The following RUNX1T1 variants were observed in gnomAD, a reference collection of about 807,000 sequenced individuals.
RUNX1T1 encodes protein CBFA2T1.
Under a neutral mutation model 62.8 loss-of-function variants are expected in RUNX1T1, and 4 were observed. The ratio of observed to expected loss-of-function variants is 0.06; its 90% CI spans 0.03 to 0.15. The LOEUF is 0.15. Ranked by LOEUF, RUNX1T1 falls within the 10% of genes least tolerant of loss-of-function variation. The pLI is 1.00. For missense variants in RUNX1T1, 508 were observed against 754.3 expected, an observed-to-expected ratio of 0.67 and a Z score of 3.82; for synonymous variants, 291 against 286.0, an observed-to-expected ratio of 1.02 and a Z score of -0.18.
At chr8:91,961,404 A>G (rs1226372709) in intron 10 of RUNX1T1, among the ~76,000 whole-genome samples, 1 of 152,236 alleles carries the variant, frequency 6.6e-6, no homozygotes, top group Non-Finnish European at 1.5e-5. Flanking sequence ...GGAAGTCAGA[A>G]AAGCAGAGGG....
rs11995611 is a variant in RUNX1T1, at chr8:91,980,392, T to C, written c.1199-4419A>G. Among the ~76,000 whole-genome samples, 609 of 152,278 alleles carry C rather than the reference T, an allele frequency of 4.0e-3. 4 individuals carry two copies. The highest frequency in any genetic ancestry group is 0.014 in the African/African-American group (574 of 41,564). ...TTGTGGTTTTCATATTTTGAGAGTA[T>C]AGAAGTTGAAATATTTCATTGGCTG... On this transcript the variant is annotated intron_variant, in intron 8 of 10. Transcript: ENST00000396218.
intron 1 of RUNX1T1, among the ~76,000 whole-genome samples, chr8:92,020,310 C>A (rs1823835892): frequency 6.6e-6 from 1 of 152,156 alleles, no homozygotes; most frequent in Non-Finnish European, 1.5e-5. Context: ...AATATATATT[C>A]TTGAAACTTT....
intron 1 of RUNX1T1, among the ~76,000 whole-genome samples, chr8:92,053,686 C>T (rs1338893030): frequency 6.6e-6 from 1 of 152,120 alleles, no homozygotes; most frequent in Non-Finnish European, 1.5e-5. Context: ...AGATTCATTT[C>T]TTAATTTTTC....
chr8:91,969,903 A>G (rs1257343011), intron 10 of RUNX1T1, among the ~76,000 whole-genome samples: 1 of 152,084 alleles, frequency 6.6e-6, no homozygotes, highest in African/African-American at 2.4e-5. Flanking sequence ...GTGATGCTAT[A>G]TTAATTAACG....
chr8:92,014,040 TACC>T (rs1394156141), intron 3 of RUNX1T1, among the ~76,000 whole-genome samples: 1 of 152,146 alleles, frequency 6.6e-6, no homozygotes, highest in Non-Finnish European at 1.5e-5. Flanking sequence ...ATGTATATTT[TACC>T]ACAATAAAAA....
At chr8:92,057,089 A>AAT in intron 1 of RUNX1T1, among the ~76,000 whole-genome samples, 1 of 152,294 alleles carries the variant, frequency 6.6e-6, no homozygotes. Context: ...TTTCAAGAGG[A>AAT]ATAGTAATAC....
Position 92,014,888 on chromosome 8 carries a change from C to T in RUNX1T1, c.146-68G>A, listed in dbSNP as rs527974010. ...AGAACATGCATGAGGAAATTGCCAC[C>T]AAGTTTCCTACCTTTTACATCTACT... is the stretch of plus-strand genomic sequence containing the variant. On this transcript the variant is annotated intron_variant, in intron 2 of 10. Transcript: ENST00000396218. 12 of 1,455,452 alleles carry T rather than the reference C, an allele frequency of 8.2e-6. No homozygotes were observed. The East Asian group carries it at 1.9e-4, about 23-fold the overall frequency. 90.2% of individuals were successfully genotyped at this position (1,455,452 alleles called of 1,614,324 possible).
intron 1 of RUNX1T1, among the ~76,000 whole-genome samples, chr8:92,040,925 T>C (rs956152591): frequency 6.6e-6 from 1 of 152,080 alleles, no homozygotes. Flanking sequence ...CCCAGGCTAG[T>C]CTCAAATTCC....
In RUNX1T1 at chr8:92,020,186, C is replaced by A. The variant is rs1046945624; in HGVS notation, c.8-2823G>T. Among the ~76,000 whole-genome samples the A allele has an allele frequency of 1.5e-4, 23 of 152,320 alleles. 1 individual carries two copies. The highest frequency in any genetic ancestry group is 1.4e-3 in the Admixed American group (21 of 15,294). ...GAAATAACCAGCCAGGCCTAATCCA[C>A]ATACACATGAACACTCTCTGGAGCA... On this transcript the variant is annotated intron_variant, in intron 1 of 10. Transcript: ENST00000396218.
chr8:91,988,522 C>T (rs753858759), intron 6 of RUNX1T1, among the ~76,000 whole-genome samples: 3 of 152,054 alleles, frequency 2.0e-5, no homozygotes, highest in Admixed American at 1.3e-4. Flanking sequence ...TAGAGAAAAA[C>T]CACTACTGTT....
At chr8:92,090,474 C>T (rs995277204) in intron 1 of RUNX1T1, among the ~76,000 whole-genome samples, 1 of 152,062 alleles carries the variant, frequency 6.6e-6, no homozygotes, top group African/African-American at 2.4e-5. Flanking sequence ...ATCCTCATGG[C>T]CTCAGTGCAG....
chr8:92,039,797 C>T (rs957348405), intron 1 of RUNX1T1, among the ~76,000 whole-genome samples: 3 of 152,200 alleles, frequency 2.0e-5, no homozygotes, highest in Non-Finnish European at 2.9e-5. Flanking sequence ...TGGCTCCATA[C>T]CAACTGATCA....
chr8:92,005,201 G>C (rs202030946), exon 5 of RUNX1T1: 113 of 1,614,154 alleles, frequency 7.0e-5, no homozygotes, highest in Non-Finnish European at 1.3e-5. Flanking sequence ...CTGGCATCCA[G>C]AAGCAGCTGT....
At chr8:92,072,173 A>G (rs1425179323) in intron 2 of RUNX1T1, among the ~76,000 whole-genome samples, 1 of 152,206 alleles carries the variant, frequency 6.6e-6, no homozygotes, top group Non-Finnish European at 1.5e-5. Context: ...GTAAATCTTC[A>G]AATTCAAAGA....
At chr8:92,081,197 G>T (rs1024127407) in intron 1 of RUNX1T1, 8 of 578,656 alleles carry the variant, frequency 1.4e-5, no homozygotes, top group Non-Finnish European at 1.5e-5. Context: ...TAACTTATCA[G>T]GATGATATGA....
At chr8:92,059,222 T>C (rs1215289268) in intron 1 of RUNX1T1, among the ~76,000 whole-genome samples, 2 of 152,226 alleles carry the variant, frequency 1.3e-5, no homozygotes, top group Non-Finnish European at 2.9e-5. Context: ...AAGAGCCTAA[T>C]ATAATGGCAA....
At chr8:92,014,777 G>T (rs755202493) in exon 3 of RUNX1T1, 33 of 1,613,690 alleles carry the variant, frequency 2.0e-5, no homozygotes, top group Non-Finnish European at 2.7e-5. Flanking sequence ...GTGGTGAGGG[G>T]GCGCCATTCA....
chr8:91,960,476 A>T (rs772459945), exon 11 of RUNX1T1: 1 of 1,614,172 alleles, frequency 6.2e-7, no homozygotes, highest in East Asian at 2.2e-5. Context: ...TGTTACAGCC[A>T]CTGCAGGTTT....
At chr8:92,076,936 G>T (rs1691384981) in intron 1 of RUNX1T1, among the ~76,000 whole-genome samples, 1 of 151,898 alleles carries the variant, frequency 6.6e-6, no homozygotes, top group Admixed American at 6.6e-5. Flanking sequence ...GGAAATATAA[G>T]GGTCCAGCAC....
Sources: allele counts gnomAD v4.1 joint callset (sites outside exome capture counted in the v4.1 genomes callset), GRCh38; gene constraint gnomAD v4.1.1; transcripts MANE v1.5; gene names NCBI Gene and HGNC (gene_info 2026-07-23, HGNC 2026-07-21).